THBS4: variants seen among roughly 807,000 people sequenced by gnomAD.
The protein encoded by THBS4 is thrombospondin 4.
In THBS4, 90 loss-of-function variants were observed where a neutral mutation model predicts 115.7. The ratio of observed to expected loss-of-function variants is 0.78; its 90% CI spans 0.66 to 0.93. The LOEUF is 0.93. THBS4 is among the 40% of genes least tolerant of loss of function. THBS4 has a pLI of 0.00. For synonymous variants in THBS4, 460 were observed against 479.3 expected (o/e 0.96, Z 0.53); for missense variants, 1,087 against 1,232.7 (o/e 0.88, Z 1.77).
chr5:79,992,849 G>C (rs1831712233), intron 1 of THBS4, among the ~76,000 whole-genome samples: 1 of 152,182 alleles, frequency 6.6e-6, no homozygotes, highest in East Asian at 1.9e-4. Flanking sequence ...ACTATCTGTT[G>C]AGTCTTCAGT....
chr5:80,042,573 T>G (rs1832936976), intron 2 of THBS4, among the ~76,000 whole-genome samples: 1 of 152,206 alleles, frequency 6.6e-6, no homozygotes, highest in Non-Finnish European at 1.5e-5. Context: ...CCTTTCAGTT[T>G]GTATAGACAA....
At chr5:80,058,179 C>T in intron 3 of THBS4, 27 bp from the exon 4 acceptor site, 1 of 1,531,992 alleles carries the variant, frequency 6.5e-7, no homozygotes. Context: ...TGTCAGCAAT[C>T]TGTGGTATGA....
At chr5:80,059,301 G>A in intron 5 of THBS4, 139 bp from the exon 6 acceptor site, 1 of 842,598 alleles carries the variant, frequency 1.2e-6, no homozygotes, top group South Asian at 1.8e-5. Flanking sequence ...CTGCACTCCA[G>A]CCTGGGCGAC....
intron 2 of THBS4, among the ~76,000 whole-genome samples, chr5:80,041,855 A>G (rs899400090): frequency 1.3e-5 from 2 of 152,228 alleles, no homozygotes; most frequent in African/African-American, 2.4e-5. Context: ...TTTGCTTTAC[A>G]AAGTGGACAC....
intron 1 of THBS4, among the ~76,000 whole-genome samples, chr5:79,997,388 ATG>A (rs754234276): frequency 6.6e-6 from 1 of 151,268 alleles, no homozygotes; most frequent in Non-Finnish European, 1.5e-5. Flanking sequence ...GTATGCGTGT[ATG>A]TGTGTGTGTG....
At position 80,083,102 on chromosome 5, in the gene THBS4, A is replaced by T. The variant is rs776403945; in HGVS notation, c.2847A>T (p.Gln949His). 1 of 1,614,176 alleles carries T rather than the reference A, an allele frequency of 6.2e-7. No homozygotes were observed. Among genetic ancestry groups the T allele is most frequent in the Non-Finnish European group, 8.5e-7 (1 of 1,179,970 alleles). ...RCNDTIPEDF[Q>H]EFQTQNFDRF... is the part of the protein sequence containing the mutation. Reference sequence around the variant, plus strand: ...CAGACACCATCCCTGAGGACTTCCAAGAGTTTCAAACCCAGAATTTCGACC... The same window carrying T: ...CAGACACCATCCCTGAGGACTTCCATGAGTTTCAAACCCAGAATTTCGACC... Residue 949 changes from glutamine (Q) to histidine (H), a missense_variant, in exon 22 of 22, where the codon CAA (glutamine) becomes CAT (histidine). Around this residue, in one of 3 missense-constraint regions of THBS4, gnomAD observed 103 missense variants for 108.2 expected, o/e 0.95. Coordinates refer to ENST00000350881, the MANE Select transcript of THBS4 (RefSeq NM_003248.6).
intron 13 of THBS4, 136 bp from the exon 14 acceptor site, chr5:80,072,142 G>A: frequency 1.4e-6 from 1 of 737,214 alleles, no homozygotes; most frequent in South Asian, 1.6e-5. Flanking sequence ...AGCTACCTCT[G>A]GATAACTGCA....
At chr5:80,027,454 C>G (rs538499913) in intron 2 of THBS4, among the ~76,000 whole-genome samples, 2 of 152,178 alleles carry the variant, frequency 1.3e-5, no homozygotes, top group Non-Finnish European at 2.9e-5. Context: ...CAGCTCTCTC[C>G]CCCTGGACTT....
intron 2 of THBS4, among the ~76,000 whole-genome samples, chr5:80,030,261 G>C (rs927364383): frequency 4.9e-4 from 74 of 151,990 alleles, no homozygotes; most frequent in African/African-American, 1.7e-3. Context: ...GCAGTGGCAT[G>C]ATCATGGCTT....
intron 6 of THBS4, 70 bp from the exon 7 acceptor site, chr5:80,059,633 C>A: frequency 6.2e-7 from 1 of 1,601,006 alleles, no homozygotes; most frequent in South Asian, 1.1e-5. Flanking sequence ...AATAGGAAAC[C>A]AAATTTTGTT....
At chr5:80,078,741 C>A in intron 17 of THBS4, 180 bp from the exon 18 acceptor site, 1 of 542,744 alleles carries the variant, frequency 1.8e-6, no homozygotes. Flanking sequence ...TTAACCTTTA[C>A]AAGCACATGC....
chr5:79,997,331 G>A (rs916751044), intron 1 of THBS4, among the ~76,000 whole-genome samples: 1 of 151,820 alleles, frequency 6.6e-6, no homozygotes, highest in Non-Finnish European at 1.5e-5. Context: ...AACCTAAAAG[G>A]ATGGAAAAGT....
At chr5:80,042,181 C>T (rs1832923641) in intron 2 of THBS4, among the ~76,000 whole-genome samples, 1 of 152,190 alleles carries the variant, frequency 6.6e-6, no homozygotes, top group African/African-American at 2.4e-5. Flanking sequence ...GTCCCCCTTT[C>T]CCCATCTTCA....
At chr5:80,064,616 A>G (rs1245642951) in intron 8 of THBS4, among the ~76,000 whole-genome samples, 3 of 152,216 alleles carry the variant, frequency 2.0e-5, no homozygotes, top group African/African-American at 7.2e-5. Context: ...CTGTGGTCCC[A>G]GCAACCTTGG....
intron 17 of THBS4, 112 bp from the exon 18 acceptor site, chr5:80,078,809 G>A (rs1743345626): frequency 5.9e-6 from 5 of 850,370 alleles, no homozygotes; most frequent in Non-Finnish European, 9.0e-6. Context: ...ATCTTTATAT[G>A]GAGGTCAGAC....
intron 9 of THBS4, chr5:80,066,753 T>C (rs1833841712): frequency 1.3e-5 from 2 of 152,236 alleles, no homozygotes; most frequent in South Asian, 4.1e-4. Context: ...CAGGACAAAG[T>C]AGTCTGCAAA....
intron 2 of THBS4, among the ~76,000 whole-genome samples, chr5:80,028,791 A>G (rs1378070679): frequency 6.6e-6 from 1 of 151,986 alleles, no homozygotes. Context: ...TTTCTTTTGC[A>G]TCCTTAAGTA....
chr5:80,034,210 G>A (rs967898566), upstream of THBS4, among the ~76,000 whole-genome samples: 1 of 152,162 alleles, frequency 6.6e-6, no homozygotes, highest in Non-Finnish European at 1.5e-5. Flanking sequence ...AGGAACCCTG[G>A]ATAGACCTGT....
At chr5:80,040,344 A>G (rs1038324194) in intron 2 of THBS4, 64 bp downstream of exon 2, 15 of 1,321,100 alleles carry the variant, frequency 1.1e-5, no homozygotes, top group African/African-American at 1.5e-5. Flanking sequence ...GATTAGGGGT[A>G]TACTGTCTTT....
Sources: gnomAD v4.1 joint callset for allele counts (sites outside exome capture counted in the v4.1 genomes callset) on GRCh38, gnomAD v4.1.1 for gene constraint, gnomAD v4.1.1 regional missense constraint, MANE v1.5 for transcripts, NCBI Gene and HGNC (gene_info 2026-07-23, HGNC 2026-07-21) for gene names.